CAST: variants seen among roughly 807,000 people sequenced by gnomAD.
CAST encodes calpastatin.
In CAST, 76 loss-of-function variants were observed where a neutral mutation model predicts 119.6. That is an observed-to-expected ratio of 0.64 (90% CI 0.53 to 0.77). The LOEUF (loss-of-function observed/expected upper bound fraction) is 0.77, where lower values mean the gene tolerates loss of function less well. Among genes scored for constraint, CAST ranks in the 30% least tolerant of loss-of-function variants. The probability of loss-of-function intolerance (pLI) is 0.00; values close to 1 mark genes in which losing one functional copy is unlikely to be tolerated. For missense variants in CAST, 953 were observed against 946.5 expected (o/e 1.01, Z -0.09); for synonymous variants, 319 against 331.6 (o/e 0.96, Z 0.41).
At chr5:96,672,413 T>C (rs916678906) in intron 1 of CAST, among the ~76,000 whole-genome samples, 3 of 152,102 alleles carry the variant, frequency 2.0e-5, no homozygotes, top group African/African-American at 7.2e-5. Context: ...AAAGCTGGGC[T>C]TAAAATAGGA....
the CAST span, among the ~76,000 whole-genome samples, chr5:96,093,239 G>A: frequency 1.3e-5 from 2 of 152,160 alleles, no homozygotes; most frequent in Non-Finnish European, 2.9e-5. Flanking sequence ...ATGGAGACAA[G>A]TCTAGGGCAT....
At chr5:96,541,839 G>A (rs56302234) in intron 1 of CAST, among the ~76,000 whole-genome samples, 7,051 of 152,196 alleles carry the variant, frequency 0.046, 236 homozygotes, top group Middle Eastern at 0.085. Context: ...TCCCTTGTAT[G>A]CATATACCAG....
intron 22 of CAST, chr5:96,755,303 CA>C (rs1766047364): frequency 6.6e-6 from 1 of 152,032 alleles, no homozygotes; most frequent in African/African-American, 2.4e-5. Flanking sequence ...CGTACCACTG[CA>C]CTCCAGCCAG....
intron 1 of CAST, among the ~76,000 whole-genome samples, chr5:96,665,835 A>G (rs941495698): frequency 6.6e-6 from 1 of 152,204 alleles, no homozygotes; most frequent in Non-Finnish European, 1.5e-5. Flanking sequence ...ACACACATGC[A>G]TGTATAATAC....
chr5:96,229,694 G>GT, the CAST span, among the ~76,000 whole-genome samples: 2 of 152,106 alleles, frequency 1.3e-5, no homozygotes, highest in African/African-American at 2.4e-5. Context: ...AAGGAATAAT[G>GT]TTTTAATACA....
chr5:96,342,887 T>C, the CAST span, among the ~76,000 whole-genome samples: 1 of 152,228 alleles, frequency 6.6e-6, no homozygotes, highest in Admixed American at 6.5e-5. Flanking sequence ...GCATTTTTGG[T>C]ACCGCATAAG....
chr5:96,293,735 C>T, the CAST span, among the ~76,000 whole-genome samples: 5 of 152,056 alleles, frequency 3.3e-5, no homozygotes, highest in East Asian at 7.7e-4. Flanking sequence ...TATAGTGATG[C>T]ATAATATAAG....
chr5:96,579,375 G>A (rs182746400), intron 1 of CAST, among the ~76,000 whole-genome samples: 2 of 152,276 alleles, frequency 1.3e-5, no homozygotes, highest in Admixed American at 6.5e-5. Flanking sequence ...TTTCGGCACA[G>A]GAGAATAGTC....
the CAST span, among the ~76,000 whole-genome samples, chr5:96,350,929 C>T: frequency 6.6e-6 from 1 of 152,094 alleles, no homozygotes; most frequent in African/African-American, 2.4e-5. Context: ...ATTTTCAGAC[C>T]TTCATTATAA....
chr5:96,112,213 T>G, the CAST span, among the ~76,000 whole-genome samples: 2 of 151,922 alleles, frequency 1.3e-5, no homozygotes. Context: ...TTCTGAGAGG[T>G]GTGTCTGGGG....
intron 1 of CAST, among the ~76,000 whole-genome samples, chr5:96,632,648 G>T (rs536242887): frequency 9.7e-6 from 1 of 102,882 alleles, no homozygotes; most frequent in South Asian, 2.9e-4. Context: ...TTTTTTGCAT[G>T]TGGATATTCA....
the CAST span, among the ~76,000 whole-genome samples, chr5:96,313,747 G>A: frequency 6.6e-6 from 1 of 151,922 alleles, no homozygotes; most frequent in Non-Finnish European, 1.5e-5. Context: ...AAACATTCAA[G>A]TTGGTTTGCA....
intron 2 of CAST, among the ~76,000 whole-genome samples, chr5:96,691,118 A>G (rs1388138038): frequency 6.6e-6 from 1 of 152,206 alleles, no homozygotes; most frequent in Non-Finnish European, 1.5e-5. Context: ...CATTTCCCCT[A>G]CTTGATCTGC....
chr5:96,522,239 G>A (rs1034547069), upstream of CAST, among the ~76,000 whole-genome samples: 26 of 152,104 alleles, frequency 1.7e-4, no homozygotes, highest in South Asian at 1.7e-3. Flanking sequence ...ATTGTCAAGC[G>A]CCTCTTCTAA....
At chr5:95,973,785 A>G in the CAST span, among the ~76,000 whole-genome samples, 1 of 152,278 alleles carries the variant, frequency 6.6e-6, no homozygotes, top group African/African-American at 2.4e-5. Flanking sequence ...AAATTCTCTC[A>G]AGCATCCTAA....
chr5:96,196,683 A>T, the CAST span, among the ~76,000 whole-genome samples: 2 of 152,208 alleles, frequency 1.3e-5, no homozygotes, highest in Non-Finnish European at 2.9e-5. Flanking sequence ...TACAATAAAA[A>T]AGTGGGGATA....
the CAST span, among the ~76,000 whole-genome samples, chr5:96,303,691 A>G: frequency 6.6e-6 from 1 of 152,006 alleles, no homozygotes; most frequent in Admixed American, 6.6e-5. Context: ...ATGAGTGAGA[A>G]CATGTGGTGT....
At chr5:96,350,590 C>T in the CAST span, among the ~76,000 whole-genome samples, 2 of 151,950 alleles carry the variant, frequency 1.3e-5, no homozygotes, top group Non-Finnish European at 2.9e-5. Context: ...TTCTTTGTGG[C>T]TATCTTATTT....
At chr5:96,029,061 A>G in the CAST span, among the ~76,000 whole-genome samples, 21 of 152,310 alleles carry the variant, frequency 1.4e-4, no homozygotes, top group Admixed American at 9.8e-4. Context: ...CAATTTAAAC[A>G]TTACCTACAA....
Sources: gnomAD v4.1 joint callset for allele counts (sites outside exome capture counted in the v4.1 genomes callset) on GRCh38, gnomAD v4.1.1 for gene constraint, MANE v1.5 for transcripts, NCBI Gene and HGNC (gene_info 2026-07-23, HGNC 2026-07-21) for gene names.